The following COL25A1 variants were observed in gnomAD, a reference collection of about 807,000 sequenced individuals.
The protein encoded by COL25A1 is collagen alpha-1(XXV) chain.
A neutral mutation model predicts 128.4 loss-of-function variants in COL25A1; 103 were observed. The observed-to-expected ratio is 0.80, with a 90% CI of 0.68 to 0.94. The LOEUF is 0.94. Among genes scored for constraint, COL25A1 ranks in the 40% least tolerant of loss-of-function variants. The pLI is 0.00. For synonymous variants in COL25A1, 279 were observed against 277.2 expected, an observed-to-expected ratio of 1.01 and a Z score of -0.06; for missense variants, 745 against 840.0, an observed-to-expected ratio of 0.89 and a Z score of 1.40.
chr4:109,157,927 A>T (rs1328115063), intron 3 of COL25A1, among the ~76,000 whole-genome samples: 3 of 152,210 alleles, frequency 2.0e-5, no homozygotes, highest in African/African-American at 7.2e-5. Context: ...GATCAAAGGC[A>T]CGGGCATAAC....
At chr4:109,073,329 A>G (rs1027221185) in intron 3 of COL25A1, among the ~76,000 whole-genome samples, 1 of 152,144 alleles carries the variant, frequency 6.6e-6, no homozygotes. Context: ...ATTTGGAAAT[A>G]CCTCTAGAAA....
rs984959848 is a variant in COL25A1, at chr4:108,811,299, T to C, written c.*2628A>G. 3 of 151,984 alleles carry C rather than the reference T, an allele frequency of 2.0e-5. No individual in the cohort carries two copies. Among genetic ancestry groups the C allele is most frequent in the Non-Finnish European group, 2.9e-5 (2 of 67,900 alleles). 9.4% of individuals were successfully genotyped at this position (151,984 alleles called of 1,614,324 possible). ...CATCCCTTTGTTTTTCCCAAGGAAA[T>C]AAATGTAATGAAAGTTTACAACCTC... On this transcript the variant is annotated 3_prime_UTR_variant, in exon 38 of 38. Transcript: ENST00000399132.
rs1730654967 is a variant in COL25A1, at chr4:108,809,814, T to C, written c.*4113A>G. The C allele has an allele frequency of 6.6e-6, 1 of 152,002 alleles. No homozygotes were observed. The highest frequency in any genetic ancestry group is 1.5e-5 in the Non-Finnish European group (1 of 67,876). The allele number at this position is 152,002 out of a possible 1,614,324, so 9.4% of individuals were successfully genotyped here. ...CTAAAACAATTTAGCATAATCATAA[T>C]TGGTCAAGCTTGTTAATTCCACTAG... On this transcript the variant is annotated 3_prime_UTR_variant, in exon 38 of 38. Transcript: ENST00000399132.
At chr4:109,293,446 TAGAC>T (rs1724664395) in intron 3 of COL25A1, among the ~76,000 whole-genome samples, 1 of 152,086 alleles carries the variant, frequency 6.6e-6, no homozygotes, top group African/African-American at 2.4e-5. Flanking sequence ...TACTTTTAGT[TAGAC>T]AGATTCTGAC....
At chr4:108,886,482 G>GTTTTTTTTTTTTTT (rs1740816575) in intron 18 of COL25A1, among the ~76,000 whole-genome samples, 4 of 106,498 alleles carry the variant, frequency 3.8e-5, no homozygotes, top group African/African-American at 1.5e-4. Context: ...GTGTGTGTGT[G>GTTTTTTTTTTTTTT]TGTGTGTGTG....
chr4:109,065,532 A>G (rs865789692), intron 3 of COL25A1, among the ~76,000 whole-genome samples: 23 of 126,570 alleles, frequency 1.8e-4, no homozygotes, highest in East Asian at 1.7e-3. Context: ...TTGGTGCAGC[A>G]CGCGCGCGCG....
intron 3 of COL25A1, among the ~76,000 whole-genome samples, chr4:109,218,362 T>TTTTTTGTTTGTTTGTTTG (rs1408831304): frequency 1.5e-5 from 2 of 136,598 alleles, no homozygotes; most frequent in African/African-American, 5.6e-5. Flanking sequence ...TTGGGGTTTT[T>TTTTTTGTTTGTTTGTTTG]TTTTTTTTTT....
chr4:109,205,667 A>G (rs1009091698), intron 3 of COL25A1, among the ~76,000 whole-genome samples: 3 of 152,134 alleles, frequency 2.0e-5, no homozygotes, highest in Non-Finnish European at 2.9e-5. Context: ...ATAAACTTCT[A>G]TCTTGATTGT....
chr4:109,012,214 G>C (rs896876704), intron 5 of COL25A1, among the ~76,000 whole-genome samples: 3 of 152,226 alleles, frequency 2.0e-5, no homozygotes, highest in Non-Finnish European at 4.4e-5. Context: ...GTCTTGCTAT[G>C]TTGCCTAGGC....
intron 3 of COL25A1, among the ~76,000 whole-genome samples, chr4:109,282,726 A>G (rs1194121207): frequency 6.6e-6 from 1 of 152,224 alleles, no homozygotes; most frequent in African/African-American, 2.4e-5. Flanking sequence ...AGCTGTTCAC[A>G]TTATGGGTTC....
chr4:109,254,481 A>ATATATATATATATATATATATG (rs1780926566), intron 3 of COL25A1, among the ~76,000 whole-genome samples: 1 of 96,156 alleles, frequency 1.0e-5, no homozygotes, highest in African/African-American at 7.0e-5. Context: ...ATATATATAT[A>ATATATATATATATATATATATG]TATATATATA....
intron 13 of COL25A1, among the ~76,000 whole-genome samples, chr4:108,905,449 G>A (rs889493642): frequency 1.2e-4 from 18 of 151,206 alleles, no homozygotes; most frequent in East Asian, 3.9e-4. Context: ...ACACCAGCAC[G>A]GCACATGTAT....
intron 5 of COL25A1, among the ~76,000 whole-genome samples, chr4:109,039,382 T>A (rs1209694380): frequency 1.3e-5 from 2 of 152,242 alleles, no homozygotes; most frequent in African/African-American, 4.8e-5. Flanking sequence ...TTGAACTTTA[T>A]ATTTCAGCTT....
intron 15 of COL25A1, 141 bp downstream of exon 15, chr4:108,899,013 A>ATCTATCTG: frequency 1.6e-6 from 1 of 631,144 alleles, no homozygotes; most frequent in Non-Finnish European, 2.8e-6. Flanking sequence ...ATATCTATAT[A>ATCTATCTG]CCTACCTACC....
chr4:109,054,113 T>G (rs1185938143), intron 3 of COL25A1, among the ~76,000 whole-genome samples: 1 of 152,226 alleles, frequency 6.6e-6, no homozygotes, highest in Admixed American at 6.5e-5. Flanking sequence ...TAGCTCCCAC[T>G]TTTACTTTCT....
chr4:108,884,936 C>G (rs1740601908), intron 18 of COL25A1, among the ~76,000 whole-genome samples: 1 of 152,078 alleles, frequency 6.6e-6, no homozygotes, highest in Non-Finnish European at 1.5e-5. Context: ...ACAGAGTTGT[C>G]TACATTATTT....
intron 15 of COL25A1, among the ~76,000 whole-genome samples, chr4:108,898,501 G>A (rs1481824675): frequency 6.6e-6 from 1 of 152,150 alleles, no homozygotes; most frequent in East Asian, 1.9e-4. Context: ...ATCGTAATAT[G>A]CAATCAGAGC....
chr4:109,084,741 A>G (rs1764205668), intron 3 of COL25A1, among the ~76,000 whole-genome samples: 1 of 152,134 alleles, frequency 6.6e-6, no homozygotes, highest in Non-Finnish European at 1.5e-5. Context: ...TGCAAAATCA[A>G]TCTCTCATTT....
intron 3 of COL25A1, among the ~76,000 whole-genome samples, chr4:109,266,751 A>G (rs1781829267): frequency 1.3e-5 from 2 of 152,264 alleles, no homozygotes; most frequent in African/African-American, 4.8e-5. Flanking sequence ...TTTTTTCTGT[A>G]CATTTGAATT....
Sources: gnomAD v4.1 joint callset for allele counts (sites outside exome capture counted in the v4.1 genomes callset) on GRCh38, gnomAD v4.1.1 for gene constraint, MANE v1.5 for transcripts, NCBI Gene and HGNC (gene_info 2026-07-23, HGNC 2026-07-21) for gene names.